The following ISX variants were observed in gnomAD, a reference collection of about 807,000 sequenced individuals.
ISX encodes the protein intestine-specific homeobox.
In ISX, 15 loss-of-function variants were observed where a neutral mutation model predicts 16.9. The ratio of observed to expected loss-of-function variants is 0.89; its 90% CI spans 0.59 to 1.36. ISX has a LOEUF of 1.36. Among genes scored for constraint, ISX ranks in the 40% most tolerant of loss-of-function variants. The pLI is 0.00. For missense variants in ISX, 316 were observed against 306.1 expected, an observed-to-expected ratio of 1.03 and a Z score of -0.24; for synonymous variants, 125 against 119.7, an observed-to-expected ratio of 1.04 and a Z score of -0.29.
At chr22:35,078,309 C>G (rs1025197661) in intron 2 of ISX, among the ~76,000 whole-genome samples, 3 of 152,134 alleles carry the variant, frequency 2.0e-5, no homozygotes, top group African/African-American at 7.2e-5. Flanking sequence ...TGCAGACTGG[C>G]CCTCAGTGCC....
intron 2 of ISX, among the ~76,000 whole-genome samples, chr22:35,074,082 C>T (rs1412810008): frequency 6.6e-6 from 1 of 152,222 alleles, no homozygotes; most frequent in African/African-American, 2.4e-5. Flanking sequence ...CCAATAATGT[C>T]ATCAAGTCTC....
Position 35,085,755 on chromosome 22 carries a change from T to A in ISX, c.*62T>A. The A allele has an allele frequency of 6.2e-7, 1 of 1,606,544 alleles. No homozygotes were observed. Among genetic ancestry groups the A allele is most frequent in the East Asian group, 2.2e-5 (1 of 44,816 alleles). On this transcript the variant is annotated 3_prime_UTR_variant, in exon 5 of 5. Transcript: ENST00000404699. ...TCTCCAGGTGAAGGCAGGTAGCAGA[T>A]GTGCCCTGGGCCTCTGGGGAAATCG...
rs1325752254 is a variant in ISX, at chr22:35,085,634, C to A, written c.679C>A (p.Leu227Ile). Residue 227 changes from leucine to isoleucine, a missense_variant, in exon 5 of 5, where the codon CTA becomes ATA. Physicochemically the swap from Leu to Ile is conservative, Grantham distance 5. Coordinates refer to ENST00000404699, the MANE Select transcript of ISX (RefSeq NM_001303508.2). ...CATCCATCAAACTTGCATCCCTGTG[C>A]TATGCATCCTTCCACCTCCACACCC... Reference protein sequence around the residue: ...LPIHQTCIPVLCILPPPHPKW... With the variant: ...LPIHQTCIPVICILPPPHPKW... The A allele has an allele frequency of 6.2e-7, 1 of 1,614,166 alleles. No homozygotes were observed. The highest frequency in any genetic ancestry group is 2.2e-5 in the East Asian group (1 of 44,880).
At chr22:35,075,997 T>C (rs976329607) in intron 2 of ISX, among the ~76,000 whole-genome samples, 1 of 152,130 alleles carries the variant, frequency 6.6e-6, no homozygotes, top group African/African-American at 2.4e-5. Context: ...TAATAATCAC[T>C]ACAGATATTT....
chr22:35,073,166 A>T (rs1027657649), intron 2 of ISX, among the ~76,000 whole-genome samples: 6 of 152,192 alleles, frequency 3.9e-5, no homozygotes, highest in African/African-American at 1.4e-4. Flanking sequence ...CTTTCACTGC[A>T]TTTCATTCAT....
At chr22:35,074,067 C>G (rs1928921075) in intron 2 of ISX, among the ~76,000 whole-genome samples, 1 of 152,210 alleles carries the variant, frequency 6.6e-6, no homozygotes, top group Non-Finnish European at 1.5e-5. Flanking sequence ...TGATGGGATC[C>G]AGAACCAATA....
At chr22:35,084,898 T>C (rs1470280627) in intron 4 of ISX, among the ~76,000 whole-genome samples, 5 of 152,008 alleles carry the variant, frequency 3.3e-5, no homozygotes, top group Non-Finnish European at 7.4e-5. Flanking sequence ...CCTCAGAGAA[T>C]GTAATAAAGT....
chr22:35,079,569 C>G (rs1031236985), intron 2 of ISX, among the ~76,000 whole-genome samples: 4 of 152,284 alleles, frequency 2.6e-5, no homozygotes, highest in Non-Finnish European at 5.9e-5. Context: ...AGCAGACATA[C>G]GAGGCTCCCT....
At chr22:35,068,557 T>C (rs1174264473) in intron 2 of ISX, among the ~76,000 whole-genome samples, 1 of 152,170 alleles carries the variant, frequency 6.6e-6, no homozygotes, top group Non-Finnish European at 1.5e-5. Context: ...GGGTCCTGAG[T>C]CTCTCCTCCT....
intron 2 of ISX, 72 bp from the exon 3 acceptor site, chr22:35,082,446 A>C: frequency 2.0e-6 from 3 of 1,488,066 alleles, no homozygotes; most frequent in Non-Finnish European, 2.8e-6. Context: ...GGGTAGGACA[A>C]GGCAACACAA....
rs1929144128 is a variant in ISX, at chr22:35,082,534, G to T, written c.246G>T (p.Lys82Asn). Residue 82 changes from lysine to asparagine, a missense_variant, in exon 3 of 5, where the codon AAG becomes AAT. Physicochemically the swap from Lys to Asn is moderately conservative, Grantham distance 94. Coordinates refer to ENST00000404699, the MANE Select transcript of ISX (RefSeq NM_001303508.2). ...CCCATGCAGAAGGAAGGAAGAGCAA[G>T]CGGAGGGTTCGTACCACCTTCACCA... Reference protein sequence around the residue: ...KDQPQEGRKSKRRVRTTFTTE... With the variant: ...KDQPQEGRKSNRRVRTTFTTE... 2 of 1,614,008 alleles carry T rather than the reference G, an allele frequency of 1.2e-6. No individual in the cohort carries two copies.
chr22:35,076,255 G>A (rs1197699828), intron 2 of ISX, among the ~76,000 whole-genome samples: 3 of 152,180 alleles, frequency 2.0e-5, no homozygotes, highest in Non-Finnish European at 4.4e-5. Context: ...GCAGAACAAG[G>A]ACCTGGAAAA....
At chr22:35,071,928 T>C (rs1038585898) in intron 2 of ISX, among the ~76,000 whole-genome samples, 1 of 152,174 alleles carries the variant, frequency 6.6e-6, no homozygotes, top group Non-Finnish European at 1.5e-5. Context: ...TGCTCTGCTA[T>C]GGGAACTGGG....
At chr22:35,084,194 T>C (rs916192993) in intron 3 of ISX, among the ~76,000 whole-genome samples, 189 bp from the exon 4 acceptor site, 17 of 152,218 alleles carry the variant, frequency 1.1e-4, no homozygotes, top group African/African-American at 3.9e-4. Context: ...CCTGTAGGCA[T>C]TGAAGGTGGA....
chr22:35,071,608 T>C (rs1158935692), intron 2 of ISX, among the ~76,000 whole-genome samples: 1 of 152,178 alleles, frequency 6.6e-6, no homozygotes. Flanking sequence ...AAATCAGCAA[T>C]GATCTTATGC....
At chr22:35,083,618 C>T (rs571311394) in intron 3 of ISX, among the ~76,000 whole-genome samples, 1 of 152,364 alleles carries the variant, frequency 6.6e-6, no homozygotes, top group South Asian at 2.1e-4. Flanking sequence ...AAGTTGCTCT[C>T]CTTTTTTTCT....
chr22:35,084,310 T>C, intron 3 of ISX, 73 bp from the exon 4 acceptor site: 1 of 950,278 alleles, frequency 1.1e-6, no homozygotes, highest in Non-Finnish European at 1.7e-6. Context: ...GTGTAGTTAT[T>C]ATGAATTTGG....
chr22:35,082,100 C>A (rs190231454), intron 2 of ISX, among the ~76,000 whole-genome samples: 1 of 152,366 alleles, frequency 6.6e-6, no homozygotes. Flanking sequence ...TGATTCAACT[C>A]TGCTGTTAAA....
At chr22:35,078,940 T>C (rs977367199) in intron 2 of ISX, among the ~76,000 whole-genome samples, 2 of 152,170 alleles carry the variant, frequency 1.3e-5, no homozygotes, top group African/African-American at 4.8e-5. Context: ...ATTCAATGCC[T>C]CTCTCTCCCT....
Sources: gnomAD v4.1 joint callset for allele counts (sites outside exome capture counted in the v4.1 genomes callset) on GRCh38, gnomAD v4.1.1 for gene constraint, MANE v1.5 for transcripts, NCBI Gene and HGNC (gene_info 2026-07-23, HGNC 2026-07-21) for gene names.